ZNF585A: variants seen among roughly 807,000 people sequenced by gnomAD.
ZNF585A encodes the protein zinc finger protein 585A.
A neutral mutation model predicts 14.9 loss-of-function variants in ZNF585A; 9 were observed. That is an observed-to-expected ratio of 0.60 (90% CI 0.36 to 1.05). The LOEUF (loss-of-function observed/expected upper bound fraction) is 1.05. Among genes scored for constraint, ZNF585A ranks in the 50% least tolerant of loss-of-function variants. ZNF585A has a pLI of 0.01. For missense variants in ZNF585A, 726 were observed against 926.4 expected (o/e 0.78, Z 2.81); for synonymous variants, 276 against 319.9 (o/e 0.86, Z 1.46).
rs1472955602 is a variant in ZNF585A at position 37,147,901 on chromosome 19, C to T, written c.*3688G>A. 1 of 152,180 alleles carries T rather than the reference C, an allele frequency of 6.6e-6. No homozygotes were observed. The highest frequency in any genetic ancestry group is 6.5e-5 in the Admixed American group (1 of 15,280). The allele number at this position is 152,180 out of a possible 1,614,324, so 9.4% of individuals were successfully genotyped here. A position where few individuals can be genotyped will look rare whatever the true frequency, so the allele number is the denominator to read the frequency against. On this transcript the variant is annotated 3_prime_UTR_variant, in exon 5 of 5. Transcript: ENST00000292841. Reference sequence around the variant, plus strand: ...CAGCCCTCCATAGTATTGGTGTACACAATTTGTTTAATCACTCATCCACTG... The same window carrying T: ...CAGCCCTCCATAGTATTGGTGTACATAATTTGTTTAATCACTCATCCACTG...
rs771575283 is a variant in ZNF585A at position 37,153,081 on chromosome 19, A to C, written c.818T>G (p.Ile273Ser). 2 of 1,614,170 alleles carry C rather than the reference A, an allele frequency of 1.2e-6. No homozygotes were observed. The highest frequency in any genetic ancestry group is 3.3e-5 in the Admixed American group (2 of 60,020). Residue 273 changes from isoleucine to serine, a missense_variant, in exon 5 of 5, where the codon ATT (isoleucine) becomes AGT (serine). Physicochemically the swap from Ile to Ser is moderately radical, Grantham distance 142. Transcript: ENST00000292841. ...CTGGATGAAGGCCTGTCCGCATTCA[A>C]TACAGATGTAGGATCTCTCGCCTGT... ...IHTGERSYIC[I>S]ECGQAFIQKT...
chr19:37,172,592 C>T (rs893650185), intron 1 of ZNF585A, 35 bp downstream of exon 1: 6 of 152,328 alleles, frequency 3.9e-5, no homozygotes, highest in African/African-American at 9.7e-5. Flanking sequence ...ATTACTGGCT[C>T]CACAGAAACC....
chr19:37,170,036 C>T lies in ZNF585A; in HGVS notation c.-126G>A. The T allele has an allele frequency of 1.0e-6, 1 of 987,370 alleles. No individual in the cohort carries two copies. Among genetic ancestry groups the T allele is most frequent in the South Asian group, 1.6e-5 (1 of 62,478 alleles). 61.2% of individuals were successfully genotyped at this position (987,370 alleles called of 1,614,324 possible). ...AGAGGAAAATCTGGCCCAGGGGCTC[C>T]CCAGAGACACCCAGAAACCTGGAAA... On this transcript the variant is annotated 5_prime_UTR_variant, in exon 2 of 5. Coordinates refer to ENST00000292841, the MANE Select transcript of ZNF585A (RefSeq NM_001288800.2).
rs1288814942 is a variant in ZNF585A, at chr19:37,148,078, A to C, written c.*3511T>G. 1 of 152,226 alleles carries C rather than the reference A, an allele frequency of 6.6e-6. No homozygotes were observed. The highest frequency in any genetic ancestry group is 1.9e-4 in the East Asian group (1 of 5,196). The allele number at this position is 152,226 out of a possible 1,614,324, so 9.4% of individuals were successfully genotyped here. On this transcript the variant is annotated 3_prime_UTR_variant, in exon 5 of 5. Coordinates refer to ENST00000292841, the MANE Select transcript of ZNF585A (RefSeq NM_001288800.2). The stretch of plus-strand genomic sequence containing the variant: ...GTCATATGATAAATGTATGGTTAAT[A>C]GTATAAGAAGCTGCCAAACTTTTGT...
chr19:37,152,734 T>C lies in ZNF585A; in HGVS notation c.1165A>G (p.Lys389Glu). The part of the protein sequence containing the change: ...EKPYECSDCG[K>E]AFTQKSALTV... ...AGTGCTGACTTCTGAGTGAAGGCTT[T>C]CCCACAGTCACTGCATTCATAAGGT... Residue 389 changes from lysine to glutamate, a missense_variant, in exon 5 of 5, where the codon AAA (lysine) becomes GAA (glutamate). Transcript: ENST00000292841. 6.2e-7 allele frequency: 1 copy of C among 1,614,238 alleles called. No individual in the cohort carries two copies. Among genetic ancestry groups the C allele is most frequent in the South Asian group, 1.1e-5 (1 of 91,086 alleles).
rs1971747732 is a variant in ZNF585A, at chr19:37,146,684, A to T, written c.*4905T>A. The T allele has an allele frequency of 6.6e-6, 1 of 152,304 alleles. No homozygotes were observed. The highest frequency in any genetic ancestry group is 6.5e-5 in the Admixed American group (1 of 15,280). 9.4% of individuals were successfully genotyped at this position (152,304 alleles called of 1,614,324 possible). A position where few individuals can be genotyped will look rare whatever the true frequency, so the allele number is the denominator to read the frequency against. On this transcript the variant is annotated 3_prime_UTR_variant, in exon 5 of 5. Coordinates refer to ENST00000292841, the MANE Select transcript of ZNF585A (RefSeq NM_001288800.2). The stretch of plus-strand genomic sequence containing the variant: ...CACTGACAATGGGGTGCAGGATAGA[A>T]AGTGCTAGGCTAGATGCTGATGGGA...
Position 37,145,878 on chromosome 19 carries a change from T to C in ZNF585A, c.*5711A>G, listed in dbSNP as rs1971736000. The C allele has an allele frequency of 6.6e-6, 1 of 152,206 alleles. No homozygotes were observed. Among genetic ancestry groups the C allele is most frequent in the African/African-American group, 2.4e-5 (1 of 41,454 alleles). 9.4% of individuals were successfully genotyped at this position (152,206 alleles called of 1,614,324 possible). A position where few individuals can be genotyped will look rare whatever the true frequency, so the allele number is the denominator to read the frequency against. On this transcript the variant is annotated 3_prime_UTR_variant, in exon 5 of 5. Coordinates refer to ENST00000292841, the MANE Select transcript of ZNF585A (RefSeq NM_001288800.2). ...TGATATGTTGTTATTTATGATATCT[T>C]AATAATTTAGAGGCATATAATAATG...
rs1207374614 is a variant in ZNF585A at position 37,150,010 on chromosome 19, T to G, written c.*1579A>C. ...AACGGGACAATGGGGAGCCAAGAGATACCATCAAAATTTAATGGAGGGGTC... is the reference window on the plus strand; with the variant it reads ...AACGGGACAATGGGGAGCCAAGAGAGACCATCAAAATTTAATGGAGGGGTC... On this transcript the variant is annotated 3_prime_UTR_variant, in exon 5 of 5. Transcript: ENST00000292841. The G allele has an allele frequency of 1.3e-5, 2 of 151,536 alleles. No individual in the cohort carries two copies. Among genetic ancestry groups the G allele is most frequent in the Admixed American group, 1.3e-4 (2 of 15,212 alleles). 9.4% of individuals were successfully genotyped at this position (151,536 alleles called of 1,614,324 possible).
At chr19:37,154,816 A>G (rs915602340) in intron 4 of ZNF585A, among the ~76,000 whole-genome samples, 13 of 151,552 alleles carry the variant, frequency 8.6e-5, no homozygotes, top group East Asian at 1.9e-4. Flanking sequence ...AAGAAAGAAA[A>G]AAAAGAAAAA....
chr19:37,162,382 T>C (rs1357694647), intron 2 of ZNF585A, among the ~76,000 whole-genome samples: 1 of 152,232 alleles, frequency 6.6e-6, no homozygotes. Context: ...GGTGGGAGTG[T>C]AAATTAGTTC....
intron 2 of ZNF585A, among the ~76,000 whole-genome samples, chr19:37,164,407 T>TAA (rs35676021): frequency 0.04 from 5,905 of 148,610 alleles, 271 homozygotes; most frequent in African/African-American, 0.11. Flanking sequence ...TGTCTCAAAT[T>TAA]AAAAAAAAAA....
Position 37,165,502 on chromosome 19 carries a change from T to G in ZNF585A, c.72+4337A>C, listed in dbSNP as rs760243162. The G allele has an allele frequency of 9.5e-5, 23 of 242,120 alleles. No homozygotes were observed. The Middle Eastern group carries it at 0.011, about 111-fold the overall frequency. 15.0% of individuals were successfully genotyped at this position (242,120 alleles called of 1,614,324 possible). A position where few individuals can be genotyped will look rare whatever the true frequency, so the allele number is the denominator to read the frequency against. The stretch of plus-strand genomic sequence containing the variant: ...TATATATATACCATTTTTATTGTTT[T>G]TGAGATATTTTACAATTTTAGTTTT... On this transcript the variant is annotated intron_variant, in intron 2 of 4. Transcript: ENST00000292841.
chr19:37,150,944 AG>A lies in ZNF585A; in HGVS notation c.*644del, dbSNP rs11302424. ...TGAGAGACAGTCATGGTAGATAATG[AG>A]GGGGGTGCAAGTCTTGGTAGATGAC... On this transcript the variant is annotated 3_prime_UTR_variant, in exon 5 of 5. Coordinates refer to ENST00000292841, the MANE Select transcript of ZNF585A (RefSeq NM_001288800.2). 2,949 of 156,684 alleles carry A rather than the reference AG, an allele frequency of 0.019. 99 individuals are homozygous for A. Among genetic ancestry groups the A allele is most frequent in the African/African-American group, 0.066 (2,760 of 41,610 alleles). The allele number at this position is 156,684 out of a possible 1,614,324, so 9.7% of individuals were successfully genotyped here. A position where few individuals can be genotyped will look rare whatever the true frequency, so the allele number is the denominator to read the frequency against.
chr19:37,155,795 T>C, intron 4 of ZNF585A, 70 bp downstream of exon 4: 1 of 1,525,816 alleles, frequency 6.6e-7, no homozygotes, highest in South Asian at 1.1e-5. Context: ...CCAAGGGTGT[T>C]GGTGTTTCTC....
At chr19:37,155,999 T>C in intron 3 of ZNF585A, 42 bp from the exon 4 acceptor site, 1 of 1,612,228 alleles carries the variant, frequency 6.2e-7, no homozygotes, top group Non-Finnish European at 8.5e-7. Context: ...CAGCTAATTG[T>C]GTTTCAGGGC....
At position 37,156,325 on chromosome 19, in the gene ZNF585A, C is replaced by T. The variant is rs772561753; in HGVS notation, c.103G>A (p.Asp35Asn). The change falls in exon 3 of 5, where the codon GAT becomes AAT. Residue 35 changes from aspartate (D) to asparagine (N), a missense_variant. This residue lies in a region of ZNF585A where 483 missense variants were observed against 542.8 expected (regional missense o/e 0.89). Coordinates refer to ENST00000292841, the MANE Select transcript of ZNF585A (RefSeq NM_001288800.2). ...TGCCGCCATTCCTCTCTGCTGAAAT[C>T]GATAGCCACATCCCTGAAGGACACT... ...GSVSFRDVAI[D>N]FSREEWRHLD... The T allele has an allele frequency of 6.8e-6, 11 of 1,614,024 alleles. No individual in the cohort carries two copies. Among genetic ancestry groups the T allele is most frequent in the East Asian group, 2.2e-5 (1 of 44,890 alleles).
Position 37,148,624 on chromosome 19 carries a change from T to C in ZNF585A, c.*2965A>G, listed in dbSNP as rs1326825971. ...ACTGTCAAAACTCAGAACTCTACAC[T>C]AAAAAGTGTGACTATTACTGAATGT... is the stretch of plus-strand genomic sequence containing the variant. On this transcript the variant is annotated 3_prime_UTR_variant, in exon 5 of 5. Coordinates refer to ENST00000292841, the MANE Select transcript of ZNF585A (RefSeq NM_001288800.2). 1 of 152,196 alleles carries C rather than the reference T, an allele frequency of 6.6e-6. No individual in the cohort carries two copies. The highest frequency in any genetic ancestry group is 1.5e-5 in the Non-Finnish European group (1 of 68,032). The allele number at this position is 152,196 out of a possible 1,614,324, so 9.4% of individuals were successfully genotyped here. A position where few individuals can be genotyped will look rare whatever the true frequency, so the allele number is the denominator to read the frequency against.
chr19:37,155,804 T>C, intron 4 of ZNF585A, 61 bp downstream of exon 4: 1 of 1,580,006 alleles, frequency 6.3e-7, no homozygotes, highest in Non-Finnish European at 8.7e-7. Flanking sequence ...TTGGTGTTTC[T>C]CAAGACAGCT....
intron 2 of ZNF585A, among the ~76,000 whole-genome samples, chr19:37,166,801 C>T (rs1025953766): frequency 1.3e-5 from 2 of 151,834 alleles, no homozygotes; most frequent in African/African-American, 4.8e-5. Flanking sequence ...ATAGTTTTTC[C>T]CCTCTACCCA....
Sources: gnomAD v4.1 joint callset for allele counts (sites outside exome capture counted in the v4.1 genomes callset) on GRCh38, gnomAD v4.1.1 for gene constraint, gnomAD v4.1.1 regional missense constraint, MANE v1.5 for transcripts, NCBI Gene and HGNC (gene_info 2026-07-23, HGNC 2026-07-21) for gene names.